The following UGT2B15 variants were observed in gnomAD, a reference collection of about 807,000 sequenced individuals.
The protein encoded by UGT2B15 is UDP-glucuronosyltransferase 2B15.
In UGT2B15, 36 loss-of-function variants were observed where a neutral mutation model predicts 45.9. That is an observed-to-expected ratio of 0.78 (90% CI 0.60 to 1.04). The LOEUF is 1.04. Ranked by LOEUF, UGT2B15 falls within the 50% of genes least tolerant of loss-of-function variation. The pLI, the probability that UGT2B15 is intolerant of heterozygous loss-of-function variation, is 0.00. For missense variants in UGT2B15, 617 were observed against 622.4 expected, an observed-to-expected ratio of 0.99 and a Z score of 0.09; for synonymous variants, 219 against 216.4, an observed-to-expected ratio of 1.01 and a Z score of -0.11.
At chr4:68,656,319 G>A (rs575694642) in intron 3 of UGT2B15, among the ~76,000 whole-genome samples, 10 of 151,818 alleles carry the variant, frequency 6.6e-5, no homozygotes, top group African/African-American at 2.2e-4. Context: ...GTTTTGTCTT[G>A]GTTAATGTTT....
chr4:68,663,816 A>G (rs1733038291), intron 2 of UGT2B15, among the ~76,000 whole-genome samples: 1 of 147,340 alleles, frequency 6.8e-6, no homozygotes, highest in Admixed American at 7.0e-5. Flanking sequence ...AATCACTGAC[A>G]TTCAGCAGTC....
intron 3 of UGT2B15, among the ~76,000 whole-genome samples, chr4:68,659,874 A>G (rs4499757): frequency 1.3e-5 from 2 of 152,068 alleles, no homozygotes; most frequent in South Asian, 2.1e-4. Flanking sequence ...TGAAATAATA[A>G]AAAACTAAAG....
At chr4:68,668,241 T>C (rs1246037090) in intron 1 of UGT2B15, 53 bp from the exon 2 acceptor site, 3 of 1,606,706 alleles carry the variant, frequency 1.9e-6, no homozygotes, top group Non-Finnish European at 1.7e-6. Flanking sequence ...AGAATTGTTA[T>C]TTGAATATGC....
intron 2 of UGT2B15, among the ~76,000 whole-genome samples, chr4:68,667,784 CTT>C (rs1733183470): frequency 6.6e-6 from 1 of 152,126 alleles, no homozygotes; most frequent in East Asian, 1.9e-4. Flanking sequence ...ATCATACTAT[CTT>C]TTGGGTGGCA....
intron 3 of UGT2B15, among the ~76,000 whole-genome samples, chr4:68,659,914 C>T (rs1422518499): frequency 7.1e-6 from 1 of 141,160 alleles, no homozygotes; most frequent in South Asian, 2.4e-4. Flanking sequence ...TAAAACATTG[C>T]TGATCCTTTG....
chr4:68,667,081 T>C (rs1302500208), intron 2 of UGT2B15, among the ~76,000 whole-genome samples: 2 of 151,980 alleles, frequency 1.3e-5, no homozygotes, highest in East Asian at 1.9e-4. Flanking sequence ...TTCCTGTAAA[T>C]TAAATTTGGA....
intron 4 of UGT2B15, 146 bp downstream of exon 4, chr4:68,654,949 C>G: frequency 1.9e-6 from 2 of 1,030,072 alleles, no homozygotes; most frequent in Non-Finnish European, 2.9e-6. Flanking sequence ...TATACTAAGA[C>G]TGGAAAATAA....
At chr4:68,663,453 A>G (rs542955090) in intron 2 of UGT2B15, among the ~76,000 whole-genome samples, 2 of 152,226 alleles carry the variant, frequency 1.3e-5, no homozygotes, top group East Asian at 3.9e-4. Flanking sequence ...CTTTATTTAT[A>G]ATATTATAAT....
At chr4:68,658,177 T>C (rs1457323755) in intron 3 of UGT2B15, among the ~76,000 whole-genome samples, 2 of 152,050 alleles carry the variant, frequency 1.3e-5, no homozygotes, top group Non-Finnish European at 2.9e-5. Context: ...TAAGATGTAC[T>C]TCTATTGGCA....
rs1188088617 is a variant in UGT2B15 at position 68,647,120 on chromosome 4, T to G, written c.1577A>C (p.Lys526Thr). ...CFRKLAKKGK[K>T]KKRD Reference sequence around the variant, plus strand: ...TTGATATAACTAATCTCTTTTCTTCTTCTTTCCTTTTTTGGCAAGCTTTCG... The same window carrying G: ...TTGATATAACTAATCTCTTTTCTTCGTCTTTCCTTTTTTGGCAAGCTTTCG... Residue 526 changes from lysine to threonine, a missense_variant, in exon 6 of 6, where the codon AAG becomes ACG. Coordinates refer to ENST00000338206, the MANE Select transcript of UGT2B15 (RefSeq NM_001076.4). 6.2e-7 allele frequency: 1 copy of G among 1,613,658 alleles called. No homozygotes were observed. Among genetic ancestry groups the G allele is most frequent in the East Asian group, 2.2e-5 (1 of 44,886 alleles).
In UGT2B15 at chr4:68,655,123, G is replaced by T. The variant is rs772980739; in HGVS notation, c.1065C>A (p.Tyr355Ter). 1 of 1,613,304 alleles carries T rather than the reference G, an allele frequency of 6.2e-7. No individual in the cohort carries two copies. Among genetic ancestry groups the T allele is most frequent in the Admixed American group, 1.7e-5 (1 of 59,948 alleles). Residue 355 changes from tyrosine to a stop codon, truncating the protein, a stop_gained, in exon 4 of 6, where the codon TAC becomes TAA. Coordinates refer to ENST00000338206, the MANE Select transcript of UGT2B15 (RefSeq NM_001076.4). LOFTEE classifies it high-confidence loss of function. ...GAAGGTCATTCTGGGGTAACCACTT[G>T]TACAGTCGAGTATTGGAACCTAAAG... ...PNTLGSNTRLYKWLPQNDLLG... is the reference protein window; with the variant it reads ...PNTLGSNTRL
At chr4:68,647,960 C>A (rs1732531758) in intron 5 of UGT2B15, among the ~76,000 whole-genome samples, 1 of 151,924 alleles carries the variant, frequency 6.6e-6, no homozygotes, top group African/African-American at 2.4e-5. Context: ...GTAGTCAAGT[C>A]ATTCTCCTGC....
chr4:68,647,976 C>T (rs1471005306), intron 5 of UGT2B15, among the ~76,000 whole-genome samples: 2 of 151,994 alleles, frequency 1.3e-5, no homozygotes, highest in African/African-American at 4.8e-5. Context: ...CCTGCCTCTG[C>T]CTCCCAAAGT....
intron 3 of UGT2B15, among the ~76,000 whole-genome samples, chr4:68,660,253 C>T (rs2109829145): frequency 6.6e-6 from 1 of 150,502 alleles, no homozygotes; most frequent in South Asian, 2.1e-4. Flanking sequence ...GAAAACTGGC[C>T]TCATACCTTC....
chr4:68,663,773 C>A (rs1233933070), intron 2 of UGT2B15, among the ~76,000 whole-genome samples: 1 of 150,344 alleles, frequency 6.7e-6, no homozygotes, highest in Non-Finnish European at 1.5e-5. Context: ...ACACCCCCAC[C>A]CCCCAAAAAC....
chr4:68,649,926 G>C (rs1449767821), intron 5 of UGT2B15, among the ~76,000 whole-genome samples: 1 of 151,258 alleles, frequency 6.6e-6, no homozygotes, highest in African/African-American at 2.4e-5. Flanking sequence ...TCCGTCTCCC[G>C]GGTTCAAGTG....
At chr4:68,663,244 A>T in intron 2 of UGT2B15, 105 bp from the exon 3 acceptor site, 1 of 1,222,154 alleles carries the variant, frequency 8.2e-7, no homozygotes, top group Non-Finnish European at 1.1e-6. Context: ...AAGCTATTGG[A>T]GTAATTTTTT....
chr4:68,661,172 G>A (rs940582960), intron 3 of UGT2B15, among the ~76,000 whole-genome samples: 2 of 151,900 alleles, frequency 1.3e-5, no homozygotes, highest in Non-Finnish European at 2.9e-5. Context: ...AATGTAAAAG[G>A]AAAATAAGCC....
chr4:68,651,449 A>G (rs905956122), intron 5 of UGT2B15, among the ~76,000 whole-genome samples: 4 of 152,070 alleles, frequency 2.6e-5, no homozygotes, highest in South Asian at 4.2e-4. Flanking sequence ...TTTGTCAAAG[A>G]TCAGATGGTT....
Sources: allele counts gnomAD v4.1 joint callset (sites outside exome capture counted in the v4.1 genomes callset), GRCh38; gene constraint gnomAD v4.1.1; transcripts MANE v1.5; gene names NCBI Gene and HGNC (gene_info 2026-07-23, HGNC 2026-07-21).